PCDHGA12: variants seen among roughly 807,000 people sequenced by gnomAD.
PCDHGA12 encodes protocadherin gamma subfamily A, 12, also known as protocadherin gamma-A12.
Under a neutral mutation model 61.1 loss-of-function variants are expected in PCDHGA12, and 43 were observed. The observed-to-expected ratio is 0.70, with a 90% CI of 0.55 to 0.91. The LOEUF (loss-of-function observed/expected upper bound fraction) is 0.91. Among genes scored for constraint, PCDHGA12 ranks in the 40% least tolerant of loss-of-function variants. PCDHGA12 has a pLI of 0.00. For missense variants in PCDHGA12, 1,236 were observed against 1,227.7 expected, an observed-to-expected ratio of 1.01 and a Z score of -0.10; for synonymous variants, 520 against 542.9, an observed-to-expected ratio of 0.96 and a Z score of 0.59.
chr5:141,478,323 G>C, intron 1 of PCDHGA12: 1 of 1,613,958 alleles, frequency 6.2e-7, no homozygotes, highest in Non-Finnish European at 8.5e-7. Flanking sequence ...TCACTGTACC[G>C]AACACCAGGG....
intron 1 of PCDHGA12, among the ~76,000 whole-genome samples, chr5:141,443,609 T>C (rs2098396115): frequency 1.3e-5 from 2 of 152,260 alleles, no homozygotes; most frequent in African/African-American, 4.8e-5. Flanking sequence ...GAAATGTTCT[T>C]ATAATCAGGT....
In PCDHGA12 at chr5:141,486,805, C is replaced by A; in HGVS notation, c.2425-8002C>A. On this transcript the variant is annotated intron_variant, in intron 1 of 3. Transcript: ENST00000252085. The surrounding 1 kb of genome is among the most constrained non-coding windows in gnomAD (Gnocchi z 5.0). ...AGGCCCGGGATCGGGGCAACCCACC[C>A]CTTAGCAGCACTGTAACAGTTCGTC... 1.2e-6 allele frequency: 2 copies of A among 1,614,242 alleles called. No homozygotes were observed. Among genetic ancestry groups the A allele is most frequent in the Admixed American group, 1.7e-5 (1 of 60,034 alleles).
In PCDHGA12 at chr5:141,485,576, C is replaced by T. The variant is rs1347032247; in HGVS notation, c.2425-9231C>T. ...GAATGATCACGCCCCCCGTTTTCCG[C>T]GGCAGCAGCTGGACTTGGAAATTGG... On this transcript the variant is annotated intron_variant, in intron 1 of 3. Transcript: ENST00000252085. The surrounding 1 kb of genome is among the most constrained non-coding windows in gnomAD (Gnocchi z 5.7). 21 of 1,612,296 alleles carry T rather than the reference C, an allele frequency of 1.3e-5. 1 individual carries two copies. Among genetic ancestry groups the T allele is most frequent in the Non-Finnish European group, 1.8e-5 (21 of 1,178,636 alleles).
intron 1 of PCDHGA12, among the ~76,000 whole-genome samples, chr5:141,447,744 T>G (rs1020767891): frequency 3.4e-4 from 51 of 152,206 alleles, no homozygotes; most frequent in African/African-American, 1.2e-3. Context: ...CTTAAGAGTC[T>G]TGCATGTGAC....
intron 1 of PCDHGA12, among the ~76,000 whole-genome samples, chr5:141,447,677 A>G (rs748479750): frequency 6.6e-6 from 1 of 152,184 alleles, no homozygotes; most frequent in Non-Finnish European, 1.5e-5. Context: ...GAACTGTTCC[A>G]TATCTTGATA....
rs753305931 is a variant in PCDHGA12, at chr5:141,430,948, A to C, written c.189A>C (p.Gly63=). 47 of 1,609,938 alleles carry C rather than the reference A, an allele frequency of 2.9e-5. No individual in the cohort carries two copies. The highest frequency in any genetic ancestry group is 4.0e-5 in the Non-Finnish European group (47 of 1,178,338). Residue 63 remains glycine, a synonymous_variant, in exon 1 of 4, where the codon GGA becomes GGC. Transcript: ENST00000252085. ...GLEPRELAER[G]VRIIPRGRTQ... is the part of the protein sequence containing the mutation. Reference sequence around the variant, plus strand: ...AGCCCCGGGAGCTCGCGGAGCGCGGAGTCCGCATCATCCCCAGAGGTAGGA... The same window carrying C: ...AGCCCCGGGAGCTCGCGGAGCGCGGCGTCCGCATCATCCCCAGAGGTAGGA...
rs547284271 is a variant in PCDHGA12 at position 141,489,064 on chromosome 5, C to G, written c.2425-5743C>G. On this transcript the variant is annotated intron_variant, in intron 1 of 3. Coordinates refer to ENST00000252085, the MANE Select transcript of PCDHGA12 (RefSeq NM_003735.3). This position sits in a 1 kb window ranked among gnomAD's most constrained non-coding sequence, Gnocchi z 4.5. ...TCCACTCAAATTCAGCTCCCCTCCC[C>G]CCTGCCCACCCCCGCCACTCGGTGA... 1.9e-4 allele frequency: 74 copies of G among 387,742 alleles called. No homozygotes were observed. The highest frequency in any genetic ancestry group is 1.5e-3 in the African/African-American group (70 of 47,296). The allele number at this position is 387,742 out of a possible 1,614,324, so 24.0% of individuals were successfully genotyped here. A position where few individuals can be genotyped will look rare whatever the true frequency, so the allele number is the denominator to read the frequency against.
chr5:141,445,889 C>A (rs920382027), intron 1 of PCDHGA12, among the ~76,000 whole-genome samples: 6 of 152,110 alleles, frequency 3.9e-5, no homozygotes, highest in African/African-American at 1.4e-4. Context: ...TACTTAGGAG[C>A]TATTAAAATA....
chr5:141,472,750 C>T (rs967243815), intron 1 of PCDHGA12, among the ~76,000 whole-genome samples: 3 of 151,882 alleles, frequency 2.0e-5, no homozygotes, highest in Non-Finnish European at 2.9e-5. Context: ...CTTTGGGAGG[C>T]GGAGGCTGGC....
chr5:141,511,237 T>C lies in PCDHGA12; in HGVS notation c.*64T>C, dbSNP rs886816274. 1.9e-6 allele frequency: 3 copies of C among 1,590,378 alleles called. No homozygotes were observed. The South Asian group carries it at 3.4e-5, about 18-fold the overall frequency. ...CCAACCAGCCCAGCTTCTCCTTACC[T>C]GCACCCAGGCCTCAGAGTTTCAGGG... On this transcript the variant is annotated 3_prime_UTR_variant, in exon 4 of 4. Coordinates refer to ENST00000252085, the MANE Select transcript of PCDHGA12 (RefSeq NM_003735.3).
chr5:141,443,848 G>A lies in PCDHGA12; in HGVS notation c.2424+10665G>A, dbSNP rs528933391. 2.6e-5 allele frequency among the ~76,000 whole-genome samples: 4 copies of A among 152,272 alleles called. No individual in the cohort carries two copies. The South Asian group carries it at 8.3e-4, about 32-fold the overall frequency. ...TTAGGTAAAATGGGTAATATGGAAA[G>A]TCTGAAAACTGAAAAAATTACTGAT... On this transcript the variant is annotated intron_variant, in intron 1 of 3. Transcript: ENST00000252085.
At chr5:141,471,444 A>G (rs1366430114) in intron 1 of PCDHGA12, 1 of 152,150 alleles carries the variant, frequency 6.6e-6, no homozygotes, top group Non-Finnish European at 1.5e-5. Context: ...AATCTCATGT[A>G]CCTTTTGAAA....
At chr5:141,499,835 C>T (rs931946377) in intron 2 of PCDHGA12, among the ~76,000 whole-genome samples, 2 of 151,916 alleles carry the variant, frequency 1.3e-5, no homozygotes, top group Admixed American at 6.6e-5. Flanking sequence ...TACAGGTGTG[C>T]ACCACCACAC....
intron 1 of PCDHGA12, among the ~76,000 whole-genome samples, chr5:141,445,132 G>T (rs921068835): frequency 2.6e-5 from 4 of 152,026 alleles, no homozygotes; most frequent in Non-Finnish European, 5.9e-5. Flanking sequence ...TTTTAAAATT[G>T]TATCTTCTAA....
At chr5:141,478,483 G>A in intron 1 of PCDHGA12, 13 of 1,613,548 alleles carry the variant, frequency 8.1e-6, no homozygotes, top group Non-Finnish European at 1.1e-5. Flanking sequence ...AGAACACGCT[G>A]CGGAGCTGTG....
chr5:141,433,208 C>CTTTT, intron 1 of PCDHGA12, 25 bp downstream of exon 1: 1 of 1,293,074 alleles, frequency 7.7e-7, no homozygotes, highest in African/African-American at 1.5e-5. Flanking sequence ...AATCTTCTTT[C>CTTTT]TTTTTTTTTT....
Position 141,485,967 on chromosome 5 carries a change from A to G in PCDHGA12, c.2425-8840A>G, listed in dbSNP as rs751904053. 2.5e-6 allele frequency: 4 copies of G among 1,614,194 alleles called. No individual in the cohort carries two copies. The South Asian group carries it at 4.4e-5, about 18-fold the overall frequency. On this transcript the variant is annotated intron_variant, in intron 1 of 3. Transcript: ENST00000252085. This position sits in a 1 kb window ranked among gnomAD's most constrained non-coding sequence, Gnocchi z 5.7. The stretch of plus-strand genomic sequence containing the variant: ...GCGGGCATGGTGCTCATCCAGCTCA[A>G]TGCCTCAGACCCGGACCTGGGTCCC...
At chr5:141,460,985 ATATATATATATGTG>A (rs2099005673) in intron 1 of PCDHGA12, among the ~76,000 whole-genome samples, 1 of 91,766 alleles carries the variant, frequency 1.1e-5, no homozygotes, top group Non-Finnish European at 2.2e-5. Flanking sequence ...GTGTGTGTGT[ATATATATATATGTG>A]TATATATATA....
chr5:141,444,237 T>G (rs1315900009), intron 1 of PCDHGA12, among the ~76,000 whole-genome samples: 1 of 137,132 alleles, frequency 7.3e-6, no homozygotes, highest in Admixed American at 8.0e-5. Flanking sequence ...AATGGCATGC[T>G]CTCGGCTCAC....
Sources: gnomAD v4.1 joint callset for allele counts (sites outside exome capture counted in the v4.1 genomes callset) on GRCh38, gnomAD v4.1.1 for gene constraint, Gnocchi (gnomAD v3.1) non-coding constraint, MANE v1.5 for transcripts, NCBI Gene and HGNC (gene_info 2026-07-23, HGNC 2026-07-21) for gene names.